Variants in RPS6KC1 observed in about 807,000 individuals in gnomAD.
RPS6KC1 encodes inactive ribosomal protein S6 kinase delta-1.
A neutral mutation model predicts 103.8 loss-of-function variants in RPS6KC1; 54 were observed. The observed-to-expected ratio is 0.52, with a 90% CI of 0.42 to 0.65. RPS6KC1 has a LOEUF of 0.65. RPS6KC1 is among the 30% of genes least tolerant of loss of function. The probability of loss-of-function intolerance (pLI) is 0.00; values close to 1 mark genes in which losing one functional copy is unlikely to be tolerated. For synonymous variants in RPS6KC1, 439 were observed against 438.7 expected, an observed-to-expected ratio of 1.00 and a Z score of -0.01; for missense variants, 1,151 against 1,253.8, an observed-to-expected ratio of 0.92 and a Z score of 1.24.
At chr1:213,225,425 T>C (rs2093936128) in intron 8 of RPS6KC1, among the ~76,000 whole-genome samples, 1 of 152,102 alleles carries the variant, frequency 6.6e-6, no homozygotes, top group East Asian at 1.9e-4. Context: ...AGTCTCACTC[T>C]TGCTCAGGCT....
At chr1:213,799,758 A>C in the RPS6KC1 span, among the ~76,000 whole-genome samples, 1 of 152,152 alleles carries the variant, frequency 6.6e-6, no homozygotes, top group Admixed American at 6.5e-5. Flanking sequence ...GGGGTAGGTA[A>C]GCCATGATGG....
the RPS6KC1 span, among the ~76,000 whole-genome samples, chr1:213,421,056 C>G: frequency 2.6e-5 from 4 of 152,184 alleles, no homozygotes; most frequent in African/African-American, 9.7e-5. Flanking sequence ...CTTTAAAGAC[C>G]CAGTTTCCAA....
At chr1:213,168,922 C>A (rs1054044227) in intron 7 of RPS6KC1, among the ~76,000 whole-genome samples, 3 of 152,166 alleles carry the variant, frequency 2.0e-5, no homozygotes, top group African/African-American at 4.8e-5. Context: ...GTCAGGCAGG[C>A]TTGTTCATAT....
chr1:213,593,876 T>C, the RPS6KC1 span, among the ~76,000 whole-genome samples: 3 of 151,910 alleles, frequency 2.0e-5, no homozygotes, highest in Non-Finnish European at 4.4e-5. Context: ...TTTAATTTTC[T>C]TTTTTTTGAG....
chr1:213,352,069 G>A, the RPS6KC1 span, among the ~76,000 whole-genome samples: 1 of 152,128 alleles, frequency 6.6e-6, no homozygotes, highest in Non-Finnish European at 1.5e-5. Context: ...GAGGAAAGAA[G>A]CAAGGCAAAA....
chr1:213,524,164 T>C, the RPS6KC1 span, among the ~76,000 whole-genome samples: 197 of 152,236 alleles, frequency 1.3e-3, 1 homozygote, highest in African/African-American at 4.6e-3. Context: ...CTGCCGGAGA[T>C]GCCCAACATA....
intron 7 of RPS6KC1, among the ~76,000 whole-genome samples, chr1:213,174,815 CG>C (rs1283471332): frequency 1.3e-5 from 2 of 151,772 alleles, no homozygotes; most frequent in Non-Finnish European, 2.9e-5. Context: ...GAAATATATC[CG>C]TTTTTTTTAT....
chr1:213,831,605 T>C, the RPS6KC1 span, among the ~76,000 whole-genome samples: 111 of 152,340 alleles, frequency 7.3e-4, 1 homozygote, highest in Non-Finnish European at 1.3e-3. Context: ...GAAACTAATA[T>C]AGCTTTCTCC....
the RPS6KC1 span, among the ~76,000 whole-genome samples, chr1:213,434,032 A>C: frequency 6.7e-6 from 1 of 149,274 alleles, no homozygotes; most frequent in East Asian, 1.9e-4. Flanking sequence ...AATACACATC[A>C]CGAAGATTTT....
chr1:213,284,511 GA>G, the RPS6KC1 span, among the ~76,000 whole-genome samples: 3,901 of 118,740 alleles, frequency 0.033, 93 homozygotes, highest in African/African-American at 0.084. Context: ...CTTGGTCTCA[GA>G]AAAAAAAAAA....
intron 2 of RPS6KC1, among the ~76,000 whole-genome samples, chr1:213,074,976 C>T (rs948317771): frequency 1.3e-5 from 2 of 150,444 alleles, no homozygotes; most frequent in African/African-American, 4.9e-5. Flanking sequence ...CCTCAGCCTC[C>T]CTAGTGCTGG....
At chr1:213,393,645 G>C in the RPS6KC1 span, among the ~76,000 whole-genome samples, 1 of 152,178 alleles carries the variant, frequency 6.6e-6, no homozygotes, top group Non-Finnish European at 1.5e-5. Context: ...TTTGGTCCTT[G>C]AAATGACTAT....
the RPS6KC1 span, among the ~76,000 whole-genome samples, chr1:213,617,381 A>C: frequency 1.3e-5 from 2 of 152,178 alleles, no homozygotes; most frequent in Non-Finnish European, 2.9e-5. Context: ...GGAGAGGCCA[A>C]GTGAGGCATT....
chr1:213,137,777 CTATA>C (rs1553340162), intron 6 of RPS6KC1, among the ~76,000 whole-genome samples: 28 of 63,584 alleles, frequency 4.4e-4, no homozygotes, highest in African/African-American at 2.6e-3. Context: ...CTCTCTCTCT[CTATA>C]TATATATATA....
chr1:213,832,498 C>T, the RPS6KC1 span: 1 of 152,226 alleles, frequency 6.6e-6, no homozygotes, highest in East Asian at 1.9e-4. Flanking sequence ...TGTTGTACCA[C>T]TGAGTTGTTC....
intron 8 of RPS6KC1, among the ~76,000 whole-genome samples, chr1:213,219,091 G>A (rs950182630): frequency 2.0e-5 from 3 of 152,158 alleles, no homozygotes; most frequent in Non-Finnish European, 4.4e-5. Flanking sequence ...CAGAATGGGA[G>A]AAAATTTCTG....
chr1:213,271,227 G>C (rs553593153), intron 14 of RPS6KC1, among the ~76,000 whole-genome samples: 3 of 152,290 alleles, frequency 2.0e-5, no homozygotes, highest in African/African-American at 7.2e-5. Context: ...CATCCAAACA[G>C]TGGAATACTA....
the RPS6KC1 span, among the ~76,000 whole-genome samples, chr1:213,569,100 G>A: frequency 1.3e-5 from 2 of 152,114 alleles, no homozygotes; most frequent in Non-Finnish European, 2.9e-5. Context: ...CCCTGGGCTT[G>A]GGGATAAAGT....
At chr1:213,826,919 C>T in the RPS6KC1 span, among the ~76,000 whole-genome samples, 2 of 152,192 alleles carry the variant, frequency 1.3e-5, no homozygotes, top group African/African-American at 2.4e-5. Context: ...GGTCCCATCA[C>T]ATTGCTACAC....
Sources: gnomAD v4.1 joint callset for allele counts (sites outside exome capture counted in the v4.1 genomes callset) on GRCh38, gnomAD v4.1.1 for gene constraint, MANE v1.5 for transcripts, NCBI Gene and HGNC (gene_info 2026-07-23, HGNC 2026-07-21) for gene names.